The following SCML4 variants were observed in gnomAD, a reference collection of about 807,000 sequenced individuals.
SCML4 encodes the protein Scm polycomb group protein like 4.
Under a neutral mutation model 41.1 loss-of-function variants are expected in SCML4, and 34 were observed. The observed-to-expected ratio is 0.83, with a 90% CI of 0.63 to 1.10. The LOEUF (loss-of-function observed/expected upper bound fraction) is 1.10. SCML4 is among the 50% of genes least tolerant of loss of function. The pLI is 0.00. For missense variants in SCML4, 522 were observed against 534.1 expected, an observed-to-expected ratio of 0.98 and a Z score of 0.22; for synonymous variants, 214 against 220.9, an observed-to-expected ratio of 0.97 and a Z score of 0.28.
At chr6:107,835,126 C>G in the SCML4 span, among the ~76,000 whole-genome samples, 1 of 151,902 alleles carries the variant, frequency 6.6e-6, no homozygotes, top group Admixed American at 6.6e-5. Context: ...TTTGGGAGGC[C>G]GAGGCGGGTG....
At chr6:107,706,314 G>A (rs1220143395) in intron 7 of SCML4, among the ~76,000 whole-genome samples, 1 of 152,130 alleles carries the variant, frequency 6.6e-6, no homozygotes, top group East Asian at 1.9e-4. Flanking sequence ...CTGGAAGACA[G>A]CCAGACTCCC....
At chr6:107,823,012 T>TA (rs1389286216) in intron 1 of SCML4, among the ~76,000 whole-genome samples, 1 of 12,032 alleles carries the variant, frequency 8.3e-5, no homozygotes, top group Non-Finnish European at 3.9e-4. Context: ...TCTATTTTGC[T>TA]TTAAAAAAAA....
At chr6:107,748,447 G>A (rs563379679) in intron 3 of SCML4, among the ~76,000 whole-genome samples, 1 of 152,248 alleles carries the variant, frequency 6.6e-6, no homozygotes, top group East Asian at 1.9e-4. Flanking sequence ...ACAAGCATGT[G>A]GGTTTGGTGG....
chr6:107,785,976 T>TAG (rs1358406993), intron 1 of SCML4, among the ~76,000 whole-genome samples: 3,108 of 152,138 alleles, frequency 0.02, 107 homozygotes, highest in African/African-American at 0.068. Context: ...CTTGGGGTGC[T>TAG]CCCATTTTGC....
the SCML4 span, among the ~76,000 whole-genome samples, chr6:107,833,343 G>A: frequency 1.3e-5 from 2 of 152,166 alleles, no homozygotes; most frequent in South Asian, 2.1e-4. Context: ...TAAGAGCCGG[G>A]CCTTACCTGA....
chr6:107,831,411 C>CCAAAAAAAAAAAAAAAAAAA, the SCML4 span, among the ~76,000 whole-genome samples: 1 of 107,504 alleles, frequency 9.3e-6, no homozygotes, highest in Non-Finnish European at 1.8e-5. Flanking sequence ...TTTTCATTCT[C>CCAAAAAAAAAAAAAAAAAAA]AAAAAAAAAA....
chr6:107,801,470 C>T (rs1783119144), intron 1 of SCML4, among the ~76,000 whole-genome samples: 1 of 152,176 alleles, frequency 6.6e-6, no homozygotes. Context: ...TATAACTCTG[C>T]TAATCCTACA....
chr6:107,724,815 C>T lies in SCML4; in HGVS notation c.683-3822G>A, dbSNP rs566788071. On this transcript the variant is annotated intron_variant, in intron 5 of 7. Coordinates refer to ENST00000369020, the MANE Select transcript of SCML4 (RefSeq NM_198081.5). ...TGGAATTGCAAGGGACACAGAATAG[C>T]CAAAGCCATCATGAAAACCAAAAAC... Among the ~76,000 whole-genome samples, 4 of 152,226 alleles carry T rather than the reference C, an allele frequency of 2.6e-5. No homozygotes were observed. The East Asian group carries it at 7.7e-4, about 29-fold the overall frequency.
At position 107,702,844 on chromosome 6, in the gene SCML4, A is replaced by C. The variant is rs1381388623; in HGVS notation, c.*2356T>G. 6.6e-6 allele frequency among the ~76,000 whole-genome samples: 1 copy of C among 152,250 alleles called. No homozygotes were observed. The highest frequency in any genetic ancestry group is 1.5e-5 in the Non-Finnish European group (1 of 68,048). ...ATGGGAGCTGGGTAAAATGAGGCTG[A>C]GACCTACTGGGCTGCATTCCCAGAT... On this transcript the variant is annotated 3_prime_UTR_variant, in exon 8 of 8. Coordinates refer to ENST00000369020, the MANE Select transcript of SCML4 (RefSeq NM_198081.5).
At chr6:107,729,491 C>A (rs1776321920) in intron 5 of SCML4, among the ~76,000 whole-genome samples, 1 of 152,226 alleles carries the variant, frequency 6.6e-6, no homozygotes, top group South Asian at 2.1e-4. Flanking sequence ...CTGCAAAGAT[C>A]CTATTTCCAA....
intron 5 of SCML4, among the ~76,000 whole-genome samples, chr6:107,727,891 C>G (rs777002816): frequency 2.3e-4 from 35 of 152,164 alleles, no homozygotes; most frequent in Non-Finnish European, 4.4e-4. Context: ...CTTTTTGTGT[C>G]CCACATGTCA....
intron 2 of SCML4, among the ~76,000 whole-genome samples, chr6:107,754,431 T>C (rs1778939970): frequency 6.6e-6 from 1 of 152,214 alleles, no homozygotes. Flanking sequence ...TGCCTATTTA[T>C]GGAGGCCATG....
Position 107,746,720 on chromosome 6 carries a change from G to T in SCML4, c.456C>A (p.Val152=). 1 of 1,614,154 alleles carries T rather than the reference G, an allele frequency of 6.2e-7. No homozygotes were observed. The highest frequency in any genetic ancestry group is 1.1e-5 in the South Asian group (1 of 91,074). Residue 152 remains valine, a synonymous_variant, in exon 4 of 8, where the codon GTC becomes GTA. Coordinates refer to ENST00000369020, the MANE Select transcript of SCML4 (RefSeq NM_198081.5). The stretch of plus-strand genomic sequence containing the variant: ...CCATCTCACCACCATAGCCCTGCTT[G>T]ACCAGGGAGAAGACCAGCTTCTGCT... ...AHQQKLVFSL[V]KQGYGGEMVS... is the part of the protein sequence containing the mutation.
intron 5 of SCML4, among the ~76,000 whole-genome samples, chr6:107,741,092 G>A (rs1268735921): frequency 1.3e-5 from 2 of 152,096 alleles, no homozygotes; most frequent in Non-Finnish European, 2.9e-5. Context: ...AAGTTTCGAG[G>A]CCGACTTCAA....
intron 2 of SCML4, among the ~76,000 whole-genome samples, chr6:107,759,376 G>A (rs1443579965): frequency 1.0e-5 from 1 of 96,390 alleles, no homozygotes; most frequent in African/African-American, 4.7e-5. Context: ...TAAGGCTGCT[G>A]TTAGGCAGAA....
chr6:107,772,058 C>T (rs950913584), intron 2 of SCML4, 114 bp downstream of exon 2: 32 of 872,160 alleles, frequency 3.7e-5, no homozygotes, highest in Non-Finnish European at 5.2e-5. Context: ...GCTTATTTCT[C>T]ATCCTGTCTC....
At chr6:107,817,929 A>G (rs1227191748) in intron 1 of SCML4, among the ~76,000 whole-genome samples, 1 of 152,102 alleles carries the variant, frequency 6.6e-6, no homozygotes, top group Non-Finnish European at 1.5e-5. Flanking sequence ...CCAATTAACC[A>G]TTTCCACATC....
intron 2 of SCML4, among the ~76,000 whole-genome samples, chr6:107,753,765 G>T (rs551393762): frequency 1.3e-5 from 2 of 152,318 alleles, no homozygotes; most frequent in African/African-American, 2.4e-5. Flanking sequence ...GTACAGAAGA[G>T]TGTGTGGAGA....
rs1450006691 is a variant in SCML4 at position 107,749,680 on chromosome 6, C to T, written c.286+4G>A. 1.9e-6 allele frequency: 3 copies of T among 1,613,646 alleles called. No homozygotes were observed. The African/African-American group carries it at 4.0e-5, about 22-fold the overall frequency. Reference sequence around the variant, plus strand: ...CAGCCTTGGAGTTCATTCTGCTGACCTACCTGTGAGAGCCTGTGGGGCCGC... The same window carrying T: ...CAGCCTTGGAGTTCATTCTGCTGACTTACCTGTGAGAGCCTGTGGGGCCGC... On this transcript the variant is annotated splice_donor_region_variant and intron_variant, in intron 3 of 7. Transcript: ENST00000369020.
Sources: allele counts gnomAD v4.1 joint callset (sites outside exome capture counted in the v4.1 genomes callset), GRCh38; gene constraint gnomAD v4.1.1; transcripts MANE v1.5; gene names NCBI Gene and HGNC (gene_info 2026-07-23, HGNC 2026-07-21).